Variants in RALGAPA2 observed in about 807,000 individuals in gnomAD.
The protein encoded by RALGAPA2 is Ral GTPase activating protein catalytic subunit alpha 2.
RALGAPA2 carries 139 observed loss-of-function variants against 230.4 expected under a neutral mutation model. The observed-to-expected ratio is 0.60, with a 90% CI of 0.53 to 0.69. RALGAPA2 has a LOEUF of 0.69. Ranked by LOEUF, RALGAPA2 falls within the 30% of genes least tolerant of loss-of-function variation. The probability of loss-of-function intolerance (pLI) is 0.00; values close to 1 mark genes in which losing one functional copy is unlikely to be tolerated. For synonymous variants in RALGAPA2, 847 were observed against 837.8 expected (o/e 1.01, Z -0.19); for missense variants, 2,163 against 2,276.0 (o/e 0.95, Z 1.01).
chr20:20,551,106 T>C (rs992219155), intron 23 of RALGAPA2, among the ~76,000 whole-genome samples: 31 of 152,222 alleles, frequency 2.0e-4, no homozygotes, highest in African/African-American at 7.0e-4. Context: ...AGGCAAATAC[T>C]GAAAGAAAAA....
At chr20:20,637,649 C>G (rs1410792019) in intron 7 of RALGAPA2, 148 bp from the exon 8 acceptor site, 1 of 757,758 alleles carries the variant, frequency 1.3e-6, no homozygotes, top group Non-Finnish European at 2.1e-6. Flanking sequence ...GAAATAATAA[C>G]AAAGCTCAAA....
intron 37 of RALGAPA2, among the ~76,000 whole-genome samples, chr20:20,460,325 G>A (rs190520063): frequency 2.0e-5 from 3 of 152,308 alleles, no homozygotes; most frequent in East Asian, 3.9e-4. Flanking sequence ...GAAACTGACA[G>A]AGGTAAAGTA....
intron 1 of RALGAPA2, among the ~76,000 whole-genome samples, chr20:20,703,799 C>T (rs570839323): frequency 5.3e-5 from 8 of 152,266 alleles, no homozygotes; most frequent in Admixed American, 4.6e-4. Flanking sequence ...AGACTATGGA[C>T]GACATGGCGG....
chr20:20,672,261 A>G (rs2068161181), intron 3 of RALGAPA2, among the ~76,000 whole-genome samples: 2 of 152,192 alleles, frequency 1.3e-5, no homozygotes, highest in African/African-American at 4.8e-5. Context: ...GTGGTCATTC[A>G]GTACCACTCT....
intron 20 of RALGAPA2, among the ~76,000 whole-genome samples, chr20:20,581,582 A>G (rs555106232): frequency 6.6e-6 from 1 of 152,280 alleles, no homozygotes; most frequent in East Asian, 1.9e-4. Context: ...AACAGACATG[A>G]TAAGACTTGG....
At chr20:20,563,337 T>A (rs1234988570) in intron 23 of RALGAPA2, among the ~76,000 whole-genome samples, 1 of 152,206 alleles carries the variant, frequency 6.6e-6, no homozygotes, top group African/African-American at 2.4e-5. Context: ...TCAGAAATAA[T>A]TAGTAACAAA....
chr20:20,473,472 A>G (rs1364455646), intron 36 of RALGAPA2, among the ~76,000 whole-genome samples: 1 of 151,874 alleles, frequency 6.6e-6, no homozygotes, highest in Non-Finnish European at 1.5e-5. Flanking sequence ...AAGATACTGC[A>G]TTACCTTCAT....
At chr20:20,645,558 A>G (rs1275195606) in intron 4 of RALGAPA2, among the ~76,000 whole-genome samples, 1 of 152,200 alleles carries the variant, frequency 6.6e-6, no homozygotes, top group Non-Finnish European at 1.5e-5. Context: ...ATGGTCCCAA[A>G]CTTTTTAAAA....
rs544877878 is a variant in RALGAPA2, at chr20:20,455,747, C to G, written c.5495+17082G>C. On this transcript the variant is annotated intron_variant, in intron 37 of 39. Coordinates refer to ENST00000202677, the MANE Select transcript of RALGAPA2 (RefSeq NM_020343.4). ...AGCTGATGCCTTCCCCTACTTAAAG[C>G]AAAACATTAAAAAAATTGGTCCAAA... Among the ~76,000 whole-genome samples the G allele has an allele frequency of 3.9e-5, 6 of 152,230 alleles. No homozygotes were observed. In the South Asian group the frequency reaches 8.3e-4, roughly 21 times the overall value.
intron 27 of RALGAPA2, among the ~76,000 whole-genome samples, chr20:20,529,123 C>T (rs1316571493): frequency 1.3e-5 from 2 of 152,198 alleles, no homozygotes; most frequent in Non-Finnish European, 2.9e-5. Context: ...GGGAGGTGTC[C>T]TCAGAGACCA....
At chr20:20,581,155 G>A (rs1294042131) in intron 20 of RALGAPA2, among the ~76,000 whole-genome samples, 1 of 152,102 alleles carries the variant, frequency 6.6e-6, no homozygotes, top group Non-Finnish European at 1.5e-5. Context: ...AACATGGAGT[G>A]CATCATATAA....
At chr20:20,397,257 C>A (rs891984032) in intron 38 of RALGAPA2, among the ~76,000 whole-genome samples, 4 of 152,188 alleles carry the variant, frequency 2.6e-5, no homozygotes, top group African/African-American at 9.7e-5. Context: ...GTGTCACCTG[C>A]AATATGACAG....
At chr20:20,574,732 G>A (rs757019201) in intron 20 of RALGAPA2, among the ~76,000 whole-genome samples, 21 of 151,990 alleles carry the variant, frequency 1.4e-4, no homozygotes, top group Non-Finnish European at 2.4e-4. Context: ...AGCATTTAAC[G>A]CTTCTTCTCA....
chr20:20,511,139 T>A, intron 33 of RALGAPA2, 115 bp downstream of exon 33: 1 of 1,479,524 alleles, frequency 6.8e-7, no homozygotes, highest in Non-Finnish European at 9.0e-7. Flanking sequence ...GATGCTAGGT[T>A]ACAGAACTAC....
intron 37 of RALGAPA2, among the ~76,000 whole-genome samples, chr20:20,433,973 T>A (rs956260526): frequency 3.3e-5 from 5 of 152,218 alleles, no homozygotes; most frequent in Admixed American, 1.3e-4. Flanking sequence ...TTTGGCCATG[T>A]TCTTTGTACT....
chr20:20,481,464 C>T (rs542864721), intron 36 of RALGAPA2, among the ~76,000 whole-genome samples: 5 of 152,250 alleles, frequency 3.3e-5, no homozygotes, highest in African/African-American at 1.2e-4. Flanking sequence ...GAAGAATGTG[C>T]GTGGCTTAAC....
chr20:20,526,602 G>A (rs912242086), intron 27 of RALGAPA2, among the ~76,000 whole-genome samples: 1 of 152,090 alleles, frequency 6.6e-6, no homozygotes, highest in Non-Finnish European at 1.5e-5. Flanking sequence ...GGAACAAGGA[G>A]CTTTCATTTA....
Position 20,526,366 on chromosome 20 carries a change from T to C in RALGAPA2, c.3583-4A>G, listed in dbSNP as rs561928126. The C allele has an allele frequency of 3.2e-6, 5 of 1,568,848 alleles. No individual in the cohort carries two copies. The highest frequency in any genetic ancestry group is 1.9e-5 in the Admixed American group (1 of 51,778). On this transcript the variant is annotated splice_region_variant and splice_polypyrimidine_tract_variant and intron_variant, in intron 27 of 39. Coordinates refer to ENST00000202677, the MANE Select transcript of RALGAPA2 (RefSeq NM_020343.4). ...GGGCCACGATTTTGTTGGGAAACTA[T>C]AAAAGGAAACCGAATCCCAAAGCAG...
intron 37 of RALGAPA2, among the ~76,000 whole-genome samples, chr20:20,446,036 CT>C (rs1007597728): frequency 6.7e-4 from 99 of 146,770 alleles, no homozygotes; most frequent in Admixed American, 1.6e-3. Flanking sequence ...TGCTGGGGCA[CT>C]TTTTTTTTTT....
Sources: allele counts gnomAD v4.1 joint callset (sites outside exome capture counted in the v4.1 genomes callset), GRCh38; gene constraint gnomAD v4.1.1; transcripts MANE v1.5; gene names NCBI Gene and HGNC (gene_info 2026-07-23, HGNC 2026-07-21).